Variants in LPIN1 observed in about 807,000 individuals in gnomAD.
The protein encoded by LPIN1 is phosphatidate phosphatase LPIN1.
Under a neutral mutation model 107.5 loss-of-function variants are expected in LPIN1, and 71 were observed. That is an observed-to-expected ratio of 0.66 (90% confidence interval 0.55 to 0.80). The LOEUF is 0.80. Among genes scored for constraint, LPIN1 ranks in the 30% least tolerant of loss-of-function variants. The pLI, the probability that LPIN1 is intolerant of heterozygous loss-of-function variation, is 0.00. For missense variants in LPIN1, 1,043 were observed against 1,160.6 expected, an observed-to-expected ratio of 0.90 and a Z score of 1.47; for synonymous variants, 445 against 452.6, an observed-to-expected ratio of 0.98 and a Z score of 0.21.
At chr2:11,718,485 C>A (rs1270221707) in intron 2 of LPIN1, among the ~76,000 whole-genome samples, 1 of 152,150 alleles carries the variant, frequency 6.6e-6, no homozygotes, top group Non-Finnish European at 1.5e-5. Flanking sequence ...CCTGCCTCTG[C>A]CTCCCAAAGT....
chr2:11,779,930 G>A (rs1374350930), intron 7 of LPIN1, among the ~76,000 whole-genome samples: 5 of 151,840 alleles, frequency 3.3e-5, no homozygotes, highest in East Asian at 3.9e-4. Context: ...ACCCGGGCTG[G>A]AGGGCAATGG....
intron 14 of LPIN1, among the ~76,000 whole-genome samples, chr2:11,802,651 TAAA>T (rs1677957555): frequency 1.3e-5 from 2 of 151,924 alleles, no homozygotes; most frequent in Non-Finnish European, 2.9e-5. Flanking sequence ...CCTGTTGGCT[TAAA>T]ATAGTGGTGG....
chr2:11,730,371 C>T (rs1665069551), intron 1 of LPIN1, among the ~76,000 whole-genome samples: 2 of 152,180 alleles, frequency 1.3e-5, no homozygotes, highest in Non-Finnish European at 2.9e-5. Context: ...AGGTTTTCAT[C>T]TGACCCCATC....
chr2:11,755,782 C>T (rs1046768909), intron 1 of LPIN1, among the ~76,000 whole-genome samples: 7 of 150,188 alleles, frequency 4.7e-5, no homozygotes, highest in African/African-American at 9.9e-5. Context: ...AGTTCAGTGG[C>T]GCCGTCTCGG....
intron 17 of LPIN1, among the ~76,000 whole-genome samples, chr2:11,808,884 AAAGAG>A (rs1558284206): frequency 6.6e-6 from 1 of 150,504 alleles, no homozygotes; most frequent in South Asian, 2.1e-4. Flanking sequence ...AAAAAAAAAA[AAAGAG>A]AGAGCGAGAG....
chr2:11,691,498 C>G (rs897422253), intron 1 of LPIN1, among the ~76,000 whole-genome samples: 1 of 152,192 alleles, frequency 6.6e-6, no homozygotes, highest in African/African-American at 2.4e-5. Context: ...GACCTCCAGC[C>G]ATTACCTCTT....
At chr2:11,760,526 C>T (rs1490402602) in intron 1 of LPIN1, among the ~76,000 whole-genome samples, 1 of 152,192 alleles carries the variant, frequency 6.6e-6, no homozygotes, top group Non-Finnish European at 1.5e-5. Context: ...CCAAAAAATA[C>T]GAAAACCAGT....
rs142197257 is a variant in LPIN1 at position 11,703,390 on chromosome 2, G to A, written c.82-10366G>A. On this transcript the variant is annotated intron_variant, in intron 1 of 21. Coordinates refer to the LPIN1 transcript ENST00000449576. ...GTTCAGGGTGCCCAAGGAGCCTGAC[G>A]CAACTGCTCTGAGAGCCCTGGGGTC... Among the ~76,000 whole-genome samples the A allele has an allele frequency of 3.2e-3, 490 of 152,218 alleles. 3 individuals carry two copies. The highest frequency in any genetic ancestry group is 5.3e-3 in the Non-Finnish European group (363 of 68,000).
intron 2 of LPIN1, among the ~76,000 whole-genome samples, chr2:11,715,964 G>A (rs1663713748): frequency 6.6e-6 from 1 of 152,156 alleles, no homozygotes; most frequent in Admixed American, 6.5e-5. Context: ...GCAGTCCTGT[G>A]AGAGTACAGC....
intron 7 of LPIN1, among the ~76,000 whole-genome samples, 190 bp downstream of exon 7, chr2:11,779,835 A>G (rs1673278314): frequency 6.6e-6 from 1 of 151,728 alleles, no homozygotes; most frequent in African/African-American, 2.4e-5. Context: ...GAGAGGTCTC[A>G]TTGCTTTTGT....
At chr2:11,778,400 C>A (rs1045876181) in intron 6 of LPIN1, among the ~76,000 whole-genome samples, 2 of 152,252 alleles carry the variant, frequency 1.3e-5, no homozygotes, top group Admixed American at 1.3e-4. Context: ...TCTGGCTGCT[C>A]TATGCAGCTT....
chr2:11,766,046 G>A (rs1325586033), intron 2 of LPIN1, among the ~76,000 whole-genome samples: 2 of 152,222 alleles, frequency 1.3e-5, no homozygotes, highest in African/African-American at 4.8e-5. Flanking sequence ...GCTGAGGGCT[G>A]GAATCATCTG....
At chr2:11,795,625 T>C in intron 14 of LPIN1, 138 bp downstream of exon 14, 2 of 811,040 alleles carry the variant, frequency 2.5e-6, no homozygotes, top group Non-Finnish European at 4.3e-6. Context: ...CCTGGAGCAA[T>C]TTATTTAACT....
intron 1 of LPIN1, among the ~76,000 whole-genome samples, chr2:11,761,970 A>G (rs1170091744): frequency 1.3e-5 from 2 of 151,904 alleles, no homozygotes; most frequent in Non-Finnish European, 2.9e-5. Flanking sequence ...GACACCATCT[A>G]CCTGGAGTTA....
At chr2:11,680,467 C>T (rs1287715495) in intron 1 of LPIN1, among the ~76,000 whole-genome samples, 1 of 152,092 alleles carries the variant, frequency 6.6e-6, no homozygotes, top group Admixed American at 6.6e-5. Flanking sequence ...GTCTCTCCCT[C>T]TTCTGCAGGA....
chr2:11,765,085 G>C lies in LPIN1; in HGVS notation c.-9-448G>C, dbSNP rs1208878518. Among the ~76,000 whole-genome samples, 1 of 147,556 alleles carries C rather than the reference G, an allele frequency of 6.8e-6. No homozygotes were observed. The highest frequency in any genetic ancestry group is 1.5e-5 in the Non-Finnish European group (1 of 66,550). On this transcript the variant is annotated intron_variant, in intron 1 of 20. Coordinates refer to ENST00000674199, the MANE Select transcript of LPIN1 (RefSeq NM_001349206.2). This position sits in a 1 kb window ranked among gnomAD's most constrained non-coding sequence, Gnocchi z 4.4. ...CCGTGATGGGCTGTGATGGACCCTG[G>C]TGGGCTCTGATGGTCCATGATGGGC...
intron 1 of LPIN1, among the ~76,000 whole-genome samples, chr2:11,749,296 G>A (rs555109460): frequency 2.6e-5 from 4 of 152,274 alleles, no homozygotes; most frequent in African/African-American, 9.6e-5. Flanking sequence ...ATGCCTGTGT[G>A]TCGAGGGGAC....
chr2:11,750,105 C>G (rs1667568679), intron 1 of LPIN1, among the ~76,000 whole-genome samples: 1 of 152,206 alleles, frequency 6.6e-6, no homozygotes, highest in African/African-American at 2.4e-5. Flanking sequence ...GCCTCGCTCC[C>G]TGGAAGCCCT....
At chr2:11,790,682 C>T (rs1321862560) in intron 12 of LPIN1, among the ~76,000 whole-genome samples, 2 of 152,204 alleles carry the variant, frequency 1.3e-5, no homozygotes, top group African/African-American at 2.4e-5. Context: ...CCCTATCCTC[C>T]ACTCAGAGGC....
Sources: allele counts gnomAD v4.1 joint callset (sites outside exome capture counted in the v4.1 genomes callset), GRCh38; gene constraint gnomAD v4.1.1; non-coding constraint Gnocchi (gnomAD v3.1); transcripts MANE v1.5; gene names NCBI Gene and HGNC (gene_info 2026-07-23, HGNC 2026-07-21).